The following CTNNA3 variants were observed in gnomAD, a reference collection of about 807,000 sequenced individuals.
The protein encoded by CTNNA3 is catenin alpha 3, also known as catenin alpha-3.
CTNNA3 carries 76 observed loss-of-function variants against 95.7 expected under a neutral mutation model. The ratio of observed to expected loss-of-function variants is 0.79; its 90% CI spans 0.66 to 0.96. The LOEUF is 0.96. Ranked by LOEUF, CTNNA3 falls within the 40% of genes least tolerant of loss-of-function variation. The probability of loss-of-function intolerance (pLI) is 0.00; values close to 1 mark genes in which losing one functional copy is unlikely to be tolerated. For synonymous variants in CTNNA3, 431 were observed against 374.4 expected (o/e 1.15, Z -1.74); for missense variants, 1,191 against 1,089.8 (o/e 1.09, Z -1.31).
chr10:66,401,720 GTGATCT>G (rs1402125205), intron 11 of CTNNA3, among the ~76,000 whole-genome samples: 2 of 142,422 alleles, frequency 1.4e-5, no homozygotes, highest in African/African-American at 5.3e-5. Flanking sequence ...ATGCAGTGGT[GTGATCT>G]TGGCTTACTG....
chr10:66,062,366 C>T (rs572242545), intron 15 of CTNNA3, among the ~76,000 whole-genome samples: 153 of 152,150 alleles, frequency 1.0e-3, no homozygotes, highest in African/African-American at 3.6e-3. Flanking sequence ...ACTACTACTA[C>T]CACCAAATGG....
intron 5 of CTNNA3, among the ~76,000 whole-genome samples, chr10:67,252,361 A>C (rs1866146177): frequency 1.3e-5 from 2 of 152,196 alleles, no homozygotes; most frequent in Non-Finnish European, 1.5e-5. Flanking sequence ...CAAGACCCTC[A>C]GTGGATGCCT....
chr10:67,324,707 T>A (rs1377497832), intron 5 of CTNNA3, among the ~76,000 whole-genome samples: 1 of 152,094 alleles, frequency 6.6e-6, no homozygotes, highest in East Asian at 1.9e-4. Context: ...TCTCCTTTTT[T>A]TTTTTTTGTC....
intron 1 of CTNNA3, among the ~76,000 whole-genome samples, chr10:67,672,086 T>G (rs1589555826): frequency 6.6e-6 from 1 of 152,188 alleles, no homozygotes; most frequent in Non-Finnish European, 1.5e-5. Context: ...ATTGTGGTTT[T>G]GATTTGCATT....
At chr10:65,933,128 T>TA (rs372134341) in intron 17 of CTNNA3, among the ~76,000 whole-genome samples, 2 of 151,562 alleles carry the variant, frequency 1.3e-5, no homozygotes, top group African/African-American at 2.4e-5. Context: ...TATCCATAGA[T>TA]AAAAAAAATA....
intron 3 of CTNNA3, among the ~76,000 whole-genome samples, chr10:67,568,841 G>A (rs1039316982): frequency 2.6e-5 from 4 of 152,168 alleles, no homozygotes; most frequent in East Asian, 1.9e-4. Context: ...TGGTTTCAAA[G>A]GCAACAGCTG....
At chr10:67,074,572 G>C (rs943458392) in intron 7 of CTNNA3, among the ~76,000 whole-genome samples, 1 of 151,618 alleles carries the variant, frequency 6.6e-6, no homozygotes, top group Non-Finnish European at 1.5e-5. Flanking sequence ...GGATGGTCTC[G>C]ATCTCCTGAC....
At chr10:67,356,344 C>G (rs568994733) in intron 5 of CTNNA3, among the ~76,000 whole-genome samples, 1 of 152,120 alleles carries the variant, frequency 6.6e-6, no homozygotes, top group African/African-American at 2.4e-5. Flanking sequence ...CTTCTACCTC[C>G]CTCCAAAAAT....
intron 5 of CTNNA3, among the ~76,000 whole-genome samples, chr10:67,396,426 T>G (rs1488967204): frequency 6.6e-6 from 1 of 152,166 alleles, no homozygotes; most frequent in Non-Finnish European, 1.5e-5. Context: ...AGCTATGTAA[T>G]TTGATCATGT....
intron 13 of CTNNA3, among the ~76,000 whole-genome samples, chr10:66,267,701 A>T (rs1327358623): frequency 6.6e-6 from 1 of 152,126 alleles, no homozygotes; most frequent in Non-Finnish European, 1.5e-5. Flanking sequence ...TGTCTTCTTC[A>T]TTGTATGTTT....
intron 7 of CTNNA3, among the ~76,000 whole-genome samples, chr10:66,834,404 CA>C (rs1327920986): frequency 6.6e-6 from 1 of 152,102 alleles, no homozygotes; most frequent in Non-Finnish European, 1.5e-5. Context: ...TTAGAATTGA[CA>C]AAATACTTTC....
At chr10:67,195,882 A>T (rs900213757) in intron 6 of CTNNA3, among the ~76,000 whole-genome samples, 1 of 152,090 alleles carries the variant, frequency 6.6e-6, no homozygotes, top group Non-Finnish European at 1.5e-5. Context: ...CTCTGATGGG[A>T]TTGACCTGAT....
intron 17 of CTNNA3, among the ~76,000 whole-genome samples, chr10:65,956,718 T>C (rs1465438941): frequency 6.6e-6 from 1 of 152,232 alleles, no homozygotes; most frequent in Non-Finnish European, 1.5e-5. Flanking sequence ...TTCTTAATCC[T>C]GAGTCCTAGT....
intron 11 of CTNNA3, among the ~76,000 whole-genome samples, chr10:66,437,736 T>C (rs2093348406): frequency 6.6e-6 from 1 of 152,122 alleles, no homozygotes; most frequent in African/African-American, 2.4e-5. Flanking sequence ...TCTAATTTTG[T>C]TCCCTTGCTG....
chr10:66,159,997 T>C (rs904961523), intron 13 of CTNNA3, among the ~76,000 whole-genome samples: 4 of 152,126 alleles, frequency 2.6e-5, no homozygotes, highest in African/African-American at 4.8e-5. Flanking sequence ...AATGATCTTT[T>C]GTATTTCAGT....
intron 15 of CTNNA3, among the ~76,000 whole-genome samples, chr10:65,999,208 T>C (rs2078723221): frequency 6.6e-6 from 1 of 152,138 alleles, no homozygotes; most frequent in African/African-American, 2.4e-5. Flanking sequence ...ATTATTTCAA[T>C]GCATCTCTAG....
At chr10:67,121,535 T>C (rs1859461480) in intron 7 of CTNNA3, among the ~76,000 whole-genome samples, 2 of 151,992 alleles carry the variant, frequency 1.3e-5, no homozygotes, top group African/African-American at 2.4e-5. Context: ...TCTAAGATAA[T>C]GGCTGCAAGA....
At chr10:66,739,937 C>T (rs921690340) in intron 9 of CTNNA3, among the ~76,000 whole-genome samples, 1 of 152,064 alleles carries the variant, frequency 6.6e-6, no homozygotes, top group African/African-American at 2.4e-5. Context: ...TGTATTAAAA[C>T]ATGAAGAACA....
chr10:66,865,091 C>T (rs1435545390), intron 7 of CTNNA3, among the ~76,000 whole-genome samples: 1 of 151,956 alleles, frequency 6.6e-6, no homozygotes, highest in Non-Finnish European at 1.5e-5. Flanking sequence ...ATCATTTAAC[C>T]TCTTAAGACA....
Sources: gnomAD v4.1 joint callset for allele counts (sites outside exome capture counted in the v4.1 genomes callset) on GRCh38, gnomAD v4.1.1 for gene constraint, MANE v1.5 for transcripts, NCBI Gene and HGNC (gene_info 2026-07-23, HGNC 2026-07-21) for gene names.